The following TULP4 variants were observed in gnomAD, a reference collection of about 807,000 sequenced individuals.
The protein encoded by TULP4 is TUB like protein 4, also known as tubby-related protein 4.
Under a neutral mutation model 129.0 loss-of-function variants are expected in TULP4, and 16 were observed. The ratio of observed to expected loss-of-function variants is 0.12; its 90% CI spans 0.08 to 0.19. The LOEUF (loss-of-function observed/expected upper bound fraction) is 0.19. TULP4 is among the 10% of genes least tolerant of loss of function. The pLI is 1.00. For synonymous variants in TULP4, 998 were observed against 854.0 expected, an observed-to-expected ratio of 1.17 and a Z score of -2.94; for missense variants, 1,842 against 2,059.1, an observed-to-expected ratio of 0.89 and a Z score of 2.04.
At chr6:158,258,437 C>T (rs1019848608) in intron 1 of TULP4, among the ~76,000 whole-genome samples, 5 of 152,150 alleles carry the variant, frequency 3.3e-5, no homozygotes, top group African/African-American at 9.7e-5. Flanking sequence ...AGACTATTTT[C>T]TTTGTGTTCC....
At chr6:158,462,149 G>A (rs909444917) in intron 6 of TULP4, among the ~76,000 whole-genome samples, 5 of 152,164 alleles carry the variant, frequency 3.3e-5, no homozygotes, top group Non-Finnish European at 5.9e-5. Context: ...TCCTGCATAC[G>A]TGGGAGTTAA....
rs7742714 is a variant in TULP4, at chr6:158,404,070, G to A, written c.253-8995G>A. Among the ~76,000 whole-genome samples, 1,092 of 152,332 alleles carry A rather than the reference G, an allele frequency of 7.2e-3. 11 individuals are homozygous for A. The highest frequency in any genetic ancestry group is 0.026 in the African/African-American group (1,069 of 41,578). On this transcript the variant is annotated intron_variant, in intron 1 of 13. Coordinates refer to ENST00000367097, the MANE Select transcript of TULP4 (RefSeq NM_020245.5). ...CCACCACACTCTCCTAATGTCTGAT[G>A]TGGAAATGTCAGTCTCCACTCATGC... is the stretch of plus-strand genomic sequence containing the variant.
intron 1 of TULP4, among the ~76,000 whole-genome samples, chr6:158,298,877 G>C (rs1192987471): frequency 3.3e-5 from 5 of 152,190 alleles, no homozygotes; most frequent in Admixed American, 6.5e-5. Context: ...CGAACAGGTA[G>C]AGGAGCATAC....
intron 1 of TULP4, among the ~76,000 whole-genome samples, chr6:158,295,905 A>C (rs879005396): frequency 6.6e-6 from 1 of 152,178 alleles, no homozygotes; most frequent in East Asian, 1.9e-4. Context: ...GAAAAAAAGA[A>C]ATATGGCCAG....
chr6:158,494,708 G>A (rs780313512), intron 10 of TULP4, 45 bp from the exon 11 acceptor site: 100 of 1,553,932 alleles, frequency 6.4e-5, no homozygotes, highest in Non-Finnish European at 8.0e-5. Flanking sequence ...TTGAAAATAC[G>A]GAAATAGATT....
intron 1 of TULP4, among the ~76,000 whole-genome samples, chr6:158,340,951 G>A (rs967896886): frequency 6.6e-6 from 1 of 152,084 alleles, no homozygotes; most frequent in African/African-American, 2.4e-5. Context: ...TTTTTTGTGT[G>A]TGTTTTTTTG....
intron 1 of TULP4, among the ~76,000 whole-genome samples, chr6:158,389,214 C>T (rs1777531391): frequency 6.6e-6 from 1 of 152,178 alleles, no homozygotes; most frequent in East Asian, 1.9e-4. Flanking sequence ...CTTTGGGAGG[C>T]TGAGGCAGAT....
At chr6:158,332,925 A>AC (rs1238991449) in intron 1 of TULP4, among the ~76,000 whole-genome samples, 3 of 152,130 alleles carry the variant, frequency 2.0e-5, no homozygotes, top group Non-Finnish European at 4.4e-5. Context: ...CAATAAACTG[A>AC]CATACACACA....
intron 5 of TULP4, among the ~76,000 whole-genome samples, chr6:158,459,697 G>A (rs1779379794): frequency 6.6e-6 from 1 of 152,310 alleles, no homozygotes; most frequent in Admixed American, 6.5e-5. Context: ...GTGAGGAGCT[G>A]TGGAAATTTC....
At chr6:158,328,928 C>G (rs1006556715) in intron 1 of TULP4, among the ~76,000 whole-genome samples, 7 of 152,072 alleles carry the variant, frequency 4.6e-5, no homozygotes, top group African/African-American at 1.5e-4. Flanking sequence ...CAGTGGGTAT[C>G]GTATTTTACT....
intron 3 of TULP4, among the ~76,000 whole-genome samples, chr6:158,430,685 G>T (rs1778609089): frequency 6.6e-6 from 1 of 152,200 alleles, no homozygotes; most frequent in Non-Finnish European, 1.5e-5. Context: ...GGTGGAGGTT[G>T]CAGTGAGCCA....
At chr6:158,460,397 G>T (rs930552775) in intron 5 of TULP4, among the ~76,000 whole-genome samples, 1 of 151,954 alleles carries the variant, frequency 6.6e-6, no homozygotes, top group Non-Finnish European at 1.5e-5. Flanking sequence ...GGCCACTTTA[G>T]TTCTAGATTT....
intron 6 of TULP4, among the ~76,000 whole-genome samples, chr6:158,462,421 T>C (rs1455488455): frequency 6.6e-6 from 1 of 151,046 alleles, no homozygotes; most frequent in Admixed American, 6.6e-5. Context: ...TCACCCAGGC[T>C]GGAGTGCCGT....
intron 1 of TULP4, among the ~76,000 whole-genome samples, chr6:158,352,366 T>G (rs1780544702): frequency 6.6e-6 from 1 of 152,244 alleles, no homozygotes. Flanking sequence ...AGATGAAATT[T>G]TAAATATTAT....
rs941735112 is a variant in TULP4 at position 158,312,998 on chromosome 6, A to G, written c.-1019A>G. ...CTTAATTCTAAGATTAGCTTTTTTC[A>G]TCAAGATGGAAAAAGATCTTTAGGA... On this transcript the variant is annotated 5_prime_UTR_variant, in exon 1 of 14. Coordinates refer to ENST00000367097, the MANE Select transcript of TULP4 (RefSeq NM_020245.5). 2.0e-5 allele frequency: 3 copies of G among 152,764 alleles called. No homozygotes were observed. The highest frequency in any genetic ancestry group is 6.5e-5 in the Admixed American group (1 of 15,300). The allele number at this position is 152,764 out of a possible 1,614,324, so 9.5% of individuals were successfully genotyped here. A position where few individuals can be genotyped will look rare whatever the true frequency, so the allele number is the denominator to read the frequency against.
In TULP4 at chr6:158,236,795, C is replaced by CTTTTCTT. The variant is rs1554272522; in HGVS notation, n.68+4496_68+4497insCTTTTTT. ...AGATGGGTAAATGCCCAATTCTTTT[C>CTTTTCTT]TTTTTTTTTTTTTTTTTTTTTTTTT... On this transcript the variant is annotated intron_variant and non_coding_transcript_variant, in intron 1 of 1. Coordinates refer to the TULP4 transcript ENST00000620026. 1.4e-4 allele frequency among the ~76,000 whole-genome samples: 9 copies of CTTTTCTT among 63,302 alleles called. 2 individuals carry two copies. The highest frequency in any genetic ancestry group is 2.2e-4 in the Non-Finnish European group (7 of 32,232). 41.5% of individuals were successfully genotyped at this position (63,302 alleles called of 152,430 possible).
intron 1 of TULP4, among the ~76,000 whole-genome samples, chr6:158,321,035 A>G (rs1472113892): frequency 6.6e-6 from 1 of 152,106 alleles, no homozygotes; most frequent in Non-Finnish European, 1.5e-5. Flanking sequence ...TAGAATATCA[A>G]TTATTTATTT....
At chr6:158,301,061 C>T (rs771556331) in intron 1 of TULP4, among the ~76,000 whole-genome samples, 34 of 152,120 alleles carry the variant, frequency 2.2e-4, no homozygotes, top group Admixed American at 4.6e-4. Flanking sequence ...GTTGGCGAAC[C>T]GCCTGTTGTA....
At position 158,386,702 on chromosome 6, in the gene TULP4, C is replaced by T. The variant is rs9456297; in HGVS notation, c.253-26363C>T. On this transcript the variant is annotated intron_variant, in intron 1 of 13. Transcript: ENST00000367097. ...AGTGTTTAAGTACAGAGGCATAAAA[C>T]AGACTGCCTGGATTAGAAATATGAC... Among the ~76,000 whole-genome samples, 836 of 152,288 alleles carry T rather than the reference C, an allele frequency of 5.5e-3. 10 individuals are homozygous for T. Among genetic ancestry groups the T allele is most frequent in the African/African-American group, 0.019 (805 of 41,554 alleles).
Sources: gnomAD v4.1 joint callset for allele counts (sites outside exome capture counted in the v4.1 genomes callset) on GRCh38, gnomAD v4.1.1 for gene constraint, MANE v1.5 for transcripts, NCBI Gene and HGNC (gene_info 2026-07-23, HGNC 2026-07-21) for gene names.